Variants in EEA1 observed in about 807,000 individuals in gnomAD.
EEA1 encodes the protein early endosome antigen 1, 162kD.
EEA1 carries 111 observed loss-of-function variants against 209.2 expected under a neutral mutation model. That is an observed-to-expected ratio of 0.53 (90% CI 0.45 to 0.62). The LOEUF (loss-of-function observed/expected upper bound fraction) is 0.62, where lower values mean the gene tolerates loss of function less well. Ranked by LOEUF, EEA1 falls within the 20% of genes least tolerant of loss-of-function variation. EEA1 has a pLI of 0.00. For missense variants in EEA1, 1,343 were observed against 1,530.8 expected (o/e 0.88, Z 2.05); for synonymous variants, 536 against 540.6 (o/e 0.99, Z 0.12).
intron 1 of EEA1, among the ~76,000 whole-genome samples, chr12:92,893,347 C>T (rs775515030): frequency 6.6e-6 from 1 of 152,182 alleles, no homozygotes; most frequent in Non-Finnish European, 1.5e-5. Context: ...TGCCCAAGGT[C>T]AGATGGGTAA....
chr12:92,907,900 C>T (rs1461753960), intron 1 of EEA1, among the ~76,000 whole-genome samples: 3 of 152,076 alleles, frequency 2.0e-5, no homozygotes, highest in Admixed American at 6.6e-5. Flanking sequence ...ACCCAGGAGG[C>T]GGAAGTTGCA....
intron 15 of EEA1, among the ~76,000 whole-genome samples, chr12:92,814,687 C>T (rs1373859922): frequency 6.6e-6 from 1 of 152,148 alleles, no homozygotes; most frequent in Non-Finnish European, 1.5e-5. Context: ...CCAATTACTA[C>T]AAGGCTACAA....
chr12:92,782,027 A>G lies in EEA1; in HGVS notation c.3259T>C (p.Leu1087=). ...TCTTTCTTTGCTGAATCCTGCTCCA[A>G]TGTAGCCTTGGCAGTCTTCAGTTCT... ...IQELKTAKAT[L]EQDSAKKEQQ... Residue 1087 remains leucine (L), a synonymous_variant, in exon 23 of 29, where the codon TTG becomes CTG. Coordinates refer to ENST00000322349, the MANE Select transcript of EEA1 (RefSeq NM_003566.4). 6.2e-7 allele frequency: 1 copy of G among 1,613,300 alleles called. No homozygotes were observed.
chr12:92,884,242 C>G lies in EEA1; in HGVS notation c.117+7387G>C, dbSNP rs529712422. ...TTGTAACCTTTGACGACCATGACTC[C>G]GTGGATAAGACTGTCATTCAGAAAT... On this transcript the variant is annotated intron_variant, in intron 2 of 28. Transcript: ENST00000322349. The G allele has an allele frequency of 1.2e-4, 185 of 1,517,272 alleles. 4 individuals carry two copies. The South Asian group carries it at 2.0e-3, about 17-fold the overall frequency. The allele number at this position is 1,517,272 out of a possible 1,614,324, so 94.0% of individuals were successfully genotyped here. A position where few individuals can be genotyped will look rare whatever the true frequency, so the allele number is the denominator to read the frequency against.
chr12:92,840,311 T>C (rs945109729), intron 10 of EEA1, among the ~76,000 whole-genome samples: 13 of 152,096 alleles, frequency 8.5e-5, no homozygotes, highest in Admixed American at 2.6e-4. Flanking sequence ...CAAAATACTA[T>C]ATGTTGCTCT....
chr12:92,873,459 C>T (rs1878739707), intron 2 of EEA1, among the ~76,000 whole-genome samples: 1 of 152,142 alleles, frequency 6.6e-6, no homozygotes, highest in South Asian at 2.1e-4. Flanking sequence ...TCAGGTGAAA[C>T]TATTGTGCCT....
intron 20 of EEA1, among the ~76,000 whole-genome samples, chr12:92,799,788 CA>C (rs1874821013): frequency 6.6e-6 from 1 of 150,546 alleles, no homozygotes; most frequent in African/African-American, 2.4e-5. Flanking sequence ...GACTCCATCT[CA>C]AAAAATAATA....
intron 10 of EEA1, among the ~76,000 whole-genome samples, chr12:92,835,928 T>C (rs550747686): frequency 7.5e-4 from 114 of 152,338 alleles, no homozygotes; most frequent in African/African-American, 2.6e-3. Flanking sequence ...AGACTAACTA[T>C]ATTTTATTAT....
intron 1 of EEA1, among the ~76,000 whole-genome samples, chr12:92,904,783 C>T (rs1038378351): frequency 1.3e-5 from 2 of 152,202 alleles, no homozygotes; most frequent in Non-Finnish European, 2.9e-5. Context: ...GGAAGGTCTG[C>T]AGGGCTCCCA....
intron 2 of EEA1, among the ~76,000 whole-genome samples, chr12:92,867,195 A>G (rs1878438521): frequency 6.6e-6 from 1 of 152,124 alleles, no homozygotes; most frequent in South Asian, 2.1e-4. Flanking sequence ...CCCTCACCAT[A>G]CTTCAACAAT....
intron 1 of EEA1, among the ~76,000 whole-genome samples, chr12:92,908,653 A>T (rs1880467486): frequency 1.3e-5 from 2 of 152,168 alleles, no homozygotes. Flanking sequence ...CAATAATCTT[A>T]GCCATAATAT....
chr12:92,928,733 G>T (rs1469152315), intron 1 of EEA1, among the ~76,000 whole-genome samples: 1 of 152,044 alleles, frequency 6.6e-6, no homozygotes, highest in African/African-American at 2.4e-5. Context: ...CTCCCACTCA[G>T]GGTTCCCGGG....
At chr12:92,778,988 C>G in intron 25 of EEA1, 127 bp downstream of exon 25, 1 of 758,234 alleles carries the variant, frequency 1.3e-6, no homozygotes, top group South Asian at 3.1e-5. Flanking sequence ...ATCAGATCTC[C>G]TTCCTTAATC....
rs370357423 is a variant in EEA1 at position 92,816,347 on chromosome 12, G to A, written c.1782C>T (p.Ala594=). 2 of 1,613,678 alleles carry A rather than the reference G, an allele frequency of 1.2e-6. No homozygotes were observed. The highest frequency in any genetic ancestry group is 2.7e-5 in the African/African-American group (2 of 74,954). Residue 594 remains alanine, a synonymous_variant, in exon 15 of 29, where the codon GCC becomes GCT. Coordinates refer to ENST00000322349, the MANE Select transcript of EEA1 (RefSeq NM_003566.4). The stretch of plus-strand genomic sequence containing the variant: ...GTACCTGGTCATGCAAATTCTCCTG[G>A]GCTTGTTTATGACTTTCTGACTGAT... The part of the protein sequence containing the change: ...LKNQSESHKQ[A]QENLHDQVQE...
intron 1 of EEA1, among the ~76,000 whole-genome samples, chr12:92,908,470 A>C (rs930632371): frequency 2.0e-5 from 3 of 152,208 alleles, no homozygotes; most frequent in Non-Finnish European, 2.9e-5. Context: ...ATTTTGTCAT[A>C]ATTTAAAAAA....
intron 2 of EEA1, among the ~76,000 whole-genome samples, chr12:92,889,664 T>C (rs746207450): frequency 2.6e-5 from 4 of 152,082 alleles, no homozygotes; most frequent in Non-Finnish European, 5.9e-5. Context: ...TTTGGGAAGC[T>C]GAGGCAGGCA....
intron 1 of EEA1, among the ~76,000 whole-genome samples, chr12:92,894,821 C>A (rs1310828988): frequency 7.1e-6 from 1 of 140,218 alleles, no homozygotes; most frequent in African/African-American, 2.5e-5. Context: ...ATGAAGATAT[C>A]TATATTAAGT....
Position 92,801,694 on chromosome 12 carries a change from G to GT in EEA1, c.2677dup (p.Thr893AsnfsTer18). The GT allele has an allele frequency of 6.3e-7, 1 of 1,576,792 alleles. No individual in the cohort carries two copies. Among genetic ancestry groups the GT allele is most frequent in the Admixed American group, 1.9e-5 (1 of 52,922 alleles). On this transcript the variant is annotated frameshift_variant, in exon 20 of 29. Coordinates refer to ENST00000322349, the MANE Select transcript of EEA1 (RefSeq NM_003566.4). LOFTEE classifies it high-confidence loss of function. ...AAGTTGATGCTTTAATTCTTTGCAA[G>GT]TTTTTTCCTTAAAAAAAATGAAAAC...
intron 15 of EEA1, among the ~76,000 whole-genome samples, chr12:92,815,370 C>A (rs1239575991): frequency 2.0e-5 from 3 of 152,162 alleles, no homozygotes; most frequent in African/African-American, 7.2e-5. Context: ...CCATTCCCTC[C>A]TCATTCCCCT....
Sources: allele counts gnomAD v4.1 joint callset (sites outside exome capture counted in the v4.1 genomes callset), GRCh38; gene constraint gnomAD v4.1.1; transcripts MANE v1.5; gene names NCBI Gene and HGNC (gene_info 2026-07-23, HGNC 2026-07-21).